The following PPP2R3A variants were observed in gnomAD, a reference collection of about 807,000 sequenced individuals.
PPP2R3A encodes protein phosphatase 2 regulatory subunit B''alpha.
In PPP2R3A, 80 loss-of-function variants were observed where a neutral mutation model predicts 106.9. The observed-to-expected ratio is 0.75, with a 90% CI of 0.62 to 0.90. The LOEUF is 0.90. Ranked by LOEUF, PPP2R3A falls within the 40% of genes least tolerant of loss-of-function variation. The pLI is 0.00. For synonymous variants in PPP2R3A, 483 were observed against 468.3 expected (o/e 1.03, Z -0.41); for missense variants, 1,386 against 1,350.4 (o/e 1.03, Z -0.41).
At chr3:136,020,581 GT>G (rs35073291) in intron 2 of PPP2R3A, among the ~76,000 whole-genome samples, 38,460 of 151,016 alleles carry the variant, frequency 0.25, 5,339 homozygotes, top group Non-Finnish European at 0.32. Context: ...AAAACTTAGG[GT>G]TTTTTTTTAA....
chr3:136,010,261 T>TC (rs1320101555), intron 2 of PPP2R3A, among the ~76,000 whole-genome samples: 1 of 143,878 alleles, frequency 7.0e-6, no homozygotes, highest in African/African-American at 2.5e-5. Flanking sequence ...TTTCTTTCTT[T>TC]TTTTTTTTTT....
chr3:136,085,788 TAAGAA>T (rs1936911917), intron 8 of PPP2R3A, among the ~76,000 whole-genome samples: 2 of 151,850 alleles, frequency 1.3e-5, no homozygotes, highest in Admixed American at 6.6e-5. Flanking sequence ...GTATGCATCT[TAAGAA>T]AAGGCTCATC....
chr3:136,124,636 G>A (rs1386373751), intron 13 of PPP2R3A, among the ~76,000 whole-genome samples: 1 of 151,496 alleles, frequency 6.6e-6, no homozygotes, highest in Non-Finnish European at 1.5e-5. Flanking sequence ...ATAGAAAAAA[G>A]GATATAATAA....
At chr3:136,078,802 TCTTGGAAAGGC>T (rs1360131526) in intron 7 of PPP2R3A, among the ~76,000 whole-genome samples, 1 of 152,166 alleles carries the variant, frequency 6.6e-6, no homozygotes, top group Non-Finnish European at 1.5e-5. Context: ...TTGGGAAGGG[TCTTGGAAAGGC>T]CTTGGAAGAT....
At chr3:136,011,690 A>C (rs1369341475) in intron 2 of PPP2R3A, among the ~76,000 whole-genome samples, 1 of 152,110 alleles carries the variant, frequency 6.6e-6, no homozygotes, top group Non-Finnish European at 1.5e-5. Flanking sequence ...AGAACTGGGA[A>C]TTACATAGAG....
chr3:135,983,796 T>G (rs1173366941), intron 1 of PPP2R3A, among the ~76,000 whole-genome samples: 1 of 152,228 alleles, frequency 6.6e-6, no homozygotes, highest in Non-Finnish European at 1.5e-5. Flanking sequence ...TATGTCCTAG[T>G]CAGTTACATT....
chr3:136,140,452 A>G (rs1371864585), intron 13 of PPP2R3A, among the ~76,000 whole-genome samples: 4 of 149,858 alleles, frequency 2.7e-5, no homozygotes, highest in Admixed American at 6.6e-5. Context: ...TAAAAAAAAA[A>G]AAAAAAAAAA....
Position 135,982,268 on chromosome 3 carries a change from T to C in PPP2R3A, c.-441+16419T>C, listed in dbSNP as rs545967132. On this transcript the variant is annotated intron_variant, in intron 1 of 13. Coordinates refer to ENST00000264977, the MANE Select transcript of PPP2R3A (RefSeq NM_002718.5). ...AAAGTTCTGTTTCACAATAATGTAC[T>C]CCAGTTGTGCATCTACTGGGTCATC... 4.6e-4 allele frequency among the ~76,000 whole-genome samples: 68 copies of C among 149,112 alleles called. 1 individual carries two copies. Among genetic ancestry groups the C allele is most frequent in the Middle Eastern group, 3.4e-3 (1 of 294 alleles).
Position 136,102,088 on chromosome 3 carries a change from G to A in PPP2R3A, c.3009G>A (p.Glu1003=). Residue 1003 remains glutamate (E), a synonymous_variant, in exon 11 of 14, where the codon GAG becomes GAA. Coordinates refer to ENST00000264977, the MANE Select transcript of PPP2R3A (RefSeq NM_002718.5). ...SMYELEYFYE[E]QCERMEAMGI... is the part of the protein sequence containing the mutation. ...ATGAGCTGGAGTACTTCTATGAGGA[G>A]CAGTGTGAACGGATGGAAGCCATGG... 1 of 1,614,072 alleles carries A rather than the reference G, an allele frequency of 6.2e-7. No individual in the cohort carries two copies. The highest frequency in any genetic ancestry group is 1.1e-5 in the South Asian group (1 of 91,086).
chr3:136,064,673 A>C (rs1936202000), intron 5 of PPP2R3A, among the ~76,000 whole-genome samples: 1 of 152,208 alleles, frequency 6.6e-6, no homozygotes. Context: ...TATATAAGAC[A>C]GCCACGATCT....
intron 5 of PPP2R3A, among the ~76,000 whole-genome samples, chr3:136,059,018 C>T (rs1211966592): frequency 2.0e-5 from 3 of 152,124 alleles, no homozygotes; most frequent in East Asian, 1.9e-4. Flanking sequence ...AAATGTAAAA[C>T]GCAAAACTAT....
At chr3:136,093,254 C>T (rs887537757) in intron 10 of PPP2R3A, among the ~76,000 whole-genome samples, 1 of 152,028 alleles carries the variant, frequency 6.6e-6, no homozygotes, top group Admixed American at 6.6e-5. Flanking sequence ...ACCAGAAATA[C>T]GAAATGTAAC....
intron 10 of PPP2R3A, among the ~76,000 whole-genome samples, chr3:136,100,146 G>A (rs1165557007): frequency 6.6e-6 from 1 of 152,066 alleles, no homozygotes; most frequent in Non-Finnish European, 1.5e-5. Context: ...ACAGTCAAAG[G>A]AATAGATACC....
intron 7 of PPP2R3A, chr3:136,079,288 T>C (rs1215639942): frequency 5.4e-6 from 2 of 373,156 alleles, no homozygotes; most frequent in East Asian, 7.4e-5. Context: ...CAGTAGGTAA[T>C]ATGGGATGGG....
intron 5 of PPP2R3A, among the ~76,000 whole-genome samples, chr3:136,061,983 C>A (rs1020123350): frequency 1.4e-5 from 2 of 147,884 alleles, no homozygotes; most frequent in African/African-American, 2.5e-5. Flanking sequence ...CTTTAAGACA[C>A]ATGCATAAAC....
intron 3 of PPP2R3A, among the ~76,000 whole-genome samples, chr3:136,028,385 C>T (rs964352018): frequency 6.6e-6 from 1 of 152,192 alleles, no homozygotes; most frequent in Admixed American, 6.5e-5. Flanking sequence ...CTTGTTGATA[C>T]CCTAGATGCT....
At chr3:135,999,480 T>C (rs1440829581) in intron 1 of PPP2R3A, among the ~76,000 whole-genome samples, 1 of 152,162 alleles carries the variant, frequency 6.6e-6, no homozygotes. Flanking sequence ...TGAATTATGG[T>C]CTGAATAAAA....
At chr3:136,072,702 T>G (rs936788295) in intron 6 of PPP2R3A, among the ~76,000 whole-genome samples, 3 of 152,226 alleles carry the variant, frequency 2.0e-5, no homozygotes, top group Non-Finnish European at 4.4e-5. Flanking sequence ...ATAATTTAGA[T>G]TCTTAAGAGT....
At chr3:136,144,931 G>A in intron 13 of PPP2R3A, 112 bp from the exon 14 acceptor site, 1 of 1,221,350 alleles carries the variant, frequency 8.2e-7, no homozygotes, top group South Asian at 1.5e-5. Flanking sequence ...CCTCCATTTA[G>A]CAATTCAAGG....
Sources: allele counts gnomAD v4.1 joint callset (sites outside exome capture counted in the v4.1 genomes callset), GRCh38; gene constraint gnomAD v4.1.1; transcripts MANE v1.5; gene names NCBI Gene and HGNC (gene_info 2026-07-23, HGNC 2026-07-21).